The following MFF variants were observed in gnomAD, a reference collection of about 807,000 sequenced individuals.
MFF encodes mitochondrial fission factor, also known as chromosome 2 open reading frame 33.
In MFF, 12 loss-of-function variants were observed where a neutral mutation model predicts 36.9. That is an observed-to-expected ratio of 0.33 (90% CI 0.21 to 0.53). The LOEUF (loss-of-function observed/expected upper bound fraction) is 0.53. MFF is among the 20% of genes least tolerant of loss of function. The pLI is 0.95. For missense variants in MFF, 348 were observed against 366.6 expected (o/e 0.95, Z 0.42); for synonymous variants, 99 against 126.2 (o/e 0.78, Z 1.44).
intron 5 of MFF, among the ~76,000 whole-genome samples, chr2:227,344,256 G>A (rs1370084372): frequency 6.6e-6 from 1 of 152,156 alleles, no homozygotes; most frequent in Non-Finnish European, 1.5e-5. Context: ...ACTGGAATCA[G>A]TTTATCAAAT....
intron 4 of MFF, among the ~76,000 whole-genome samples, chr2:227,334,334 T>C (rs1267909248): frequency 2.6e-5 from 4 of 152,200 alleles, no homozygotes; most frequent in Non-Finnish European, 4.4e-5. Flanking sequence ...CAGCTGCTTA[T>C]TGAAAGCAAA....
In MFF at chr2:227,355,643, A is replaced by G; in HGVS notation, c.660-34A>G. On this transcript the variant is annotated intron_variant, in intron 7 of 8. Coordinates refer to ENST00000304593, the MANE Select transcript of MFF (RefSeq NM_001277062.2). ...TGCCATTTACTCTGAGTTCTACTTTACTATTCATTTGTATTTCTATCTCTT... is the reference window on the plus strand; with the variant it reads ...TGCCATTTACTCTGAGTTCTACTTTGCTATTCATTTGTATTTCTATCTCTT... The G allele has an allele frequency of 1.7e-6, 2 of 1,145,124 alleles. 1 individual carries two copies. Among genetic ancestry groups the G allele is most frequent in the Non-Finnish European group, 2.5e-6 (2 of 793,840 alleles). The allele number at this position is 1,145,124 out of a possible 1,614,324, so 70.9% of individuals were successfully genotyped here. A position where few individuals can be genotyped will look rare whatever the true frequency, so the allele number is the denominator to read the frequency against.
rs964048906 is a variant in MFF at position 227,355,883 on chromosome 2, T to C, written c.744+122T>C. On this transcript the variant is annotated intron_variant, in intron 8 of 8. Transcript: ENST00000304593. ...GACTATCAAACTAGTAAGCCATCAT[T>C]GATTTTCTCATTTTGATTAAAGATA... 4 of 617,112 alleles carry C rather than the reference T, an allele frequency of 6.5e-6. No homozygotes were observed. In the African/African-American group the frequency reaches 7.5e-5, roughly 12 times the overall value. The allele number at this position is 617,112 out of a possible 1,614,324, so 38.2% of individuals were successfully genotyped here. A position where few individuals can be genotyped will look rare whatever the true frequency, so the allele number is the denominator to read the frequency against.
chr2:227,343,185 T>G (rs1269065840), intron 5 of MFF, among the ~76,000 whole-genome samples: 3 of 152,094 alleles, frequency 2.0e-5, no homozygotes, highest in Non-Finnish European at 4.4e-5. Context: ...TTTTTTTAAT[T>G]TCAGCGCACT....
intron 4 of MFF, among the ~76,000 whole-genome samples, chr2:227,335,622 G>A (rs1237325923): frequency 2.6e-5 from 4 of 152,160 alleles, no homozygotes; most frequent in Non-Finnish European, 2.9e-5. Flanking sequence ...AAAGGAGAAG[G>A]CTTATGAGGA....
chr2:227,346,519 A>G (rs2075721200), intron 5 of MFF, among the ~76,000 whole-genome samples: 1 of 152,228 alleles, frequency 6.6e-6, no homozygotes, highest in Non-Finnish European at 1.5e-5. Context: ...ATTGTCACTA[A>G]GAAGCCCAGA....
intron 3 of MFF, 83 bp from the exon 4 acceptor site, chr2:227,332,336 A>G (rs1323601211): frequency 1.9e-6 from 2 of 1,027,590 alleles, no homozygotes; most frequent in Non-Finnish European, 2.8e-6. Flanking sequence ...AGAAGAAGGT[A>G]AATACATTTT....
intron 4 of MFF, among the ~76,000 whole-genome samples, chr2:227,332,999 G>C (rs986625212): frequency 1.3e-5 from 2 of 152,170 alleles, no homozygotes; most frequent in African/African-American, 4.8e-5. Context: ...TTGATTAAAA[G>C]TTTCTACTGA....
At chr2:227,343,090 C>A (rs1267527372) in intron 5 of MFF, among the ~76,000 whole-genome samples, 2 of 151,776 alleles carry the variant, frequency 1.3e-5, no homozygotes, top group Non-Finnish European at 2.9e-5. Context: ...AAGGACCAAG[C>A]ATCCTTTTTT....
In MFF at chr2:227,328,753, A is replaced by G. The variant is rs951861014; in HGVS notation, c.-77A>G. 1 of 194,358 alleles carries G rather than the reference A, an allele frequency of 5.1e-6. No individual in the cohort carries two copies. The highest frequency in any genetic ancestry group is 2.2e-5 in the African/African-American group (1 of 45,178). The allele number at this position is 194,358 out of a possible 1,614,324, so 12.0% of individuals were successfully genotyped here. On this transcript the variant is annotated 5_prime_UTR_variant, in exon 2 of 9. Transcript: ENST00000304593. Reference sequence around the variant, plus strand: ...GATTTAATATGAAGCACAGAAGCAGATAGTGCCAAATAGCAAGCAGTAGTT... The same window carrying G: ...GATTTAATATGAAGCACAGAAGCAGGTAGTGCCAAATAGCAAGCAGTAGTT...
At chr2:227,351,478 A>G (rs1215011735) in intron 6 of MFF, among the ~76,000 whole-genome samples, 2 of 151,764 alleles carry the variant, frequency 1.3e-5, no homozygotes, top group Admixed American at 6.6e-5. Flanking sequence ...AACATTTACC[A>G]TTATATAATT....
intron 4 of MFF, among the ~76,000 whole-genome samples, chr2:227,338,495 C>G (rs2075174147): frequency 1.3e-5 from 2 of 152,070 alleles, no homozygotes; most frequent in East Asian, 1.9e-4. Flanking sequence ...GTCCTTAATT[C>G]ACACACTATT....
In MFF at chr2:227,347,297, C is replaced by T. The variant is rs774390039; in HGVS notation, c.512C>T (p.Ser171Phe). 1 of 1,613,736 alleles carries T rather than the reference C, an allele frequency of 6.2e-7. No individual in the cohort carries two copies. Among genetic ancestry groups the T allele is most frequent in the African/African-American group, 1.3e-5 (1 of 75,014 alleles). ...HMLPEDGANLSSARGILSLIQ... is the reference protein window; with the variant it reads ...HMLPEDGANLFSARGILSLIQ... Reference sequence around the variant, plus strand: ...TTACCTGAAGATGGAGCTAATCTTTCCTCTGCTCGTGGCATTTTGTCGCTT... The same window carrying T: ...TTACCTGAAGATGGAGCTAATCTTTTCTCTGCTCGTGGCATTTTGTCGCTT... Residue 171 changes from serine (S) to phenylalanine (F), a missense_variant, in exon 6 of 9, where the codon TCC becomes TTC. Physicochemically the swap from Ser to Phe is radical, Grantham distance 155. Coordinates refer to ENST00000304593, the MANE Select transcript of MFF (RefSeq NM_001277062.2).
At chr2:227,335,540 C>T (rs796368133) in intron 4 of MFF, among the ~76,000 whole-genome samples, 8 of 152,254 alleles carry the variant, frequency 5.3e-5, no homozygotes, top group African/African-American at 1.9e-4. Context: ...AAAGAAAATA[C>T]CTCCAGACAT....
chr2:227,344,243 A>G (rs1361592615), intron 5 of MFF, among the ~76,000 whole-genome samples: 1 of 152,244 alleles, frequency 6.6e-6, no homozygotes, highest in African/African-American at 2.4e-5. Flanking sequence ...ATTTTATAAT[A>G]TCACTGGAAT....
Position 227,326,619 on chromosome 2 carries a change from T to C in MFF, c.-153+1192T>C, listed in dbSNP as rs182956847. Among the ~76,000 whole-genome samples the C allele has an allele frequency of 4.1e-3, 618 of 152,320 alleles. 4 individuals carry two copies. The highest frequency in any genetic ancestry group is 0.016 in the South Asian group (78 of 4,826). On this transcript the variant is annotated intron_variant, in intron 1 of 8. Transcript: ENST00000304593. ...CTCCTCTCTTCTGGTATTGAAACTT[T>C]TCTGTGGGTTCATAACCTTATTTTA...
At chr2:227,341,567 T>C (rs2075392901) in intron 5 of MFF, among the ~76,000 whole-genome samples, 2 of 152,114 alleles carry the variant, frequency 1.3e-5, no homozygotes, top group African/African-American at 2.4e-5. Context: ...TTTTTGATTG[T>C]GTTTTCCCTA....
At position 227,339,636 on chromosome 2, in the gene MFF, G is replaced by A. The variant is rs61369785; in HGVS notation, c.352-656G>A. 3.7e-3 allele frequency among the ~76,000 whole-genome samples: 559 copies of A among 152,332 alleles called. 4 individuals carry two copies. The highest frequency in any genetic ancestry group is 0.012 in the African/African-American group (505 of 41,572). ...ACCTGGGGAAAGAAAGGCAGAAGCT[G>A]TACTGTTATGACCTAGCCTCAGAAG... On this transcript the variant is annotated intron_variant, in intron 4 of 8. Transcript: ENST00000304593.
intron 4 of MFF, among the ~76,000 whole-genome samples, chr2:227,339,818 G>A (rs1340206201): frequency 2.0e-5 from 3 of 152,206 alleles, no homozygotes; most frequent in African/African-American, 4.8e-5. Context: ...AAACCATTAA[G>A]CTAGATACAT....
Sources: allele counts gnomAD v4.1 joint callset (sites outside exome capture counted in the v4.1 genomes callset), GRCh38; gene constraint gnomAD v4.1.1; transcripts MANE v1.5; gene names NCBI Gene and HGNC (gene_info 2026-07-23, HGNC 2026-07-21).